The following SPHKAP variants were observed in gnomAD, a reference collection of about 807,000 sequenced individuals.
SPHKAP encodes SPHK1 interactor, AKAP domain containing.
Under a neutral mutation model 137.5 loss-of-function variants are expected in SPHKAP, and 67 were observed. That is an observed-to-expected ratio of 0.49 (90% CI 0.40 to 0.60). The LOEUF (loss-of-function observed/expected upper bound fraction) is 0.60. Ranked by LOEUF, SPHKAP falls within the 20% of genes least tolerant of loss-of-function variation. The pLI is 0.00. For synonymous variants in SPHKAP, 813 were observed against 785.3 expected (o/e 1.04, Z -0.59); for missense variants, 2,097 against 2,069.3 (o/e 1.01, Z -0.26).
At chr2:228,043,587 A>G (rs963801050) in intron 3 of SPHKAP, among the ~76,000 whole-genome samples, 4 of 152,200 alleles carry the variant, frequency 2.6e-5, no homozygotes, top group East Asian at 1.9e-4. Flanking sequence ...TTGGCCTCCC[A>G]AAGTGCTGGG....
intron 3 of SPHKAP, among the ~76,000 whole-genome samples, chr2:228,064,402 C>T (rs1003630435): frequency 6.6e-6 from 1 of 152,102 alleles, no homozygotes; most frequent in Non-Finnish European, 1.5e-5. Context: ...ATAATGTAGC[C>T]ATTTAATAAT....
At chr2:228,082,625 A>C (rs753141503) in intron 3 of SPHKAP, among the ~76,000 whole-genome samples, 1 of 152,184 alleles carries the variant, frequency 6.6e-6, no homozygotes, top group Non-Finnish European at 1.5e-5. Context: ...AGTCACCACG[A>C]AGTCACAGGG....
Position 228,071,294 on chromosome 2 carries a change from G to A in SPHKAP, c.246+37538C>T, listed in dbSNP as rs142332955. 5.1e-4 allele frequency among the ~76,000 whole-genome samples: 78 copies of A among 152,152 alleles called. No homozygotes were observed. In the East Asian group the frequency reaches 0.012, roughly 24 times the overall value. ...GTGACAAGTTTTCCCCCCAAATAGG[G>A]CACTTTCATCTATATTAAAAACCTG... On this transcript the variant is annotated intron_variant, in intron 3 of 11. Coordinates refer to ENST00000392056, the MANE Select transcript of SPHKAP (RefSeq NM_001142644.2).
chr2:228,139,862 G>T (rs1280171279), intron 1 of SPHKAP, among the ~76,000 whole-genome samples: 1 of 143,656 alleles, frequency 7.0e-6, no homozygotes, highest in Non-Finnish European at 1.5e-5. Flanking sequence ...ACCACTAGAT[G>T]GTTACTATAG....
intron 3 of SPHKAP, among the ~76,000 whole-genome samples, chr2:228,075,873 C>A (rs984584110): frequency 6.6e-6 from 1 of 152,128 alleles, no homozygotes; most frequent in African/African-American, 2.4e-5. Flanking sequence ...AATTTCAAAA[C>A]AAATCATACA....
At chr2:228,177,094 T>C (rs1700767296) in intron 1 of SPHKAP, among the ~76,000 whole-genome samples, 2 of 116,790 alleles carry the variant, frequency 1.7e-5, no homozygotes, top group Non-Finnish European at 3.7e-5. Context: ...AGGACCCATT[T>C]ACAAGATCAT....
At position 227,989,674 on chromosome 2, in the gene SPHKAP, C is replaced by T. The variant is rs150955881; in HGVS notation, c.4959+1326G>A. On this transcript the variant is annotated intron_variant, in intron 11 of 11. Coordinates refer to ENST00000392056, the MANE Select transcript of SPHKAP (RefSeq NM_001142644.2). ...AGGATGGAGTGCAGTGGTGGAATCT[C>T]GGCTCACTGCAACCTCCACTTCCTG... Among the ~76,000 whole-genome samples the T allele has an allele frequency of 8.4e-4, 128 of 152,196 alleles. 2 individuals carry two copies. The East Asian group carries it at 0.021, about 25-fold the overall frequency.
intron 1 of SPHKAP, among the ~76,000 whole-genome samples, chr2:228,140,367 T>C (rs1209764820): frequency 2.0e-5 from 3 of 152,132 alleles, no homozygotes; most frequent in Non-Finnish European, 4.4e-5. Context: ...ACATTCAGAA[T>C]GTATGTTACC....
intron 1 of SPHKAP, among the ~76,000 whole-genome samples, chr2:228,176,796 C>T (rs1339106208): frequency 6.6e-6 from 1 of 152,124 alleles, no homozygotes; most frequent in African/African-American, 2.4e-5. Flanking sequence ...GCTCAAATCC[C>T]GGAGGGAGGT....
chr2:228,176,079 G>A (rs1271100139), intron 1 of SPHKAP, among the ~76,000 whole-genome samples: 1 of 152,188 alleles, frequency 6.6e-6, no homozygotes, highest in East Asian at 1.9e-4. Flanking sequence ...TTTCCCAGAT[G>A]ATGAAAATAA....
At chr2:228,031,734 G>T (rs962571446) in intron 3 of SPHKAP, among the ~76,000 whole-genome samples, 1 of 151,742 alleles carries the variant, frequency 6.6e-6, no homozygotes, top group Non-Finnish European at 1.5e-5. Flanking sequence ...TACAGCCACC[G>T]CTGTTCTGTA....
intron 5 of SPHKAP, among the ~76,000 whole-genome samples, chr2:228,025,011 A>T (rs940198455): frequency 6.6e-5 from 10 of 152,178 alleles, no homozygotes; most frequent in African/African-American, 2.4e-4. Context: ...AATACATAAC[A>T]TCTGAAAGAT....
chr2:228,027,544 C>G lies in SPHKAP; in HGVS notation c.247-1G>C. 1 of 1,613,804 alleles carries G rather than the reference C, an allele frequency of 6.2e-7. No individual in the cohort carries two copies. The highest frequency in any genetic ancestry group is 8.5e-7 in the Non-Finnish European group (1 of 1,179,896). On this transcript the variant is annotated splice_acceptor_variant, in intron 3 of 11. Coordinates refer to ENST00000392056, the MANE Select transcript of SPHKAP (RefSeq NM_001142644.2). LOFTEE classifies it high-confidence loss of function. ...TCACATCAAGATTCACAAAGCAGACCTGGGAAAAGAGGGCAAAAATAGTAC... is the reference window on the plus strand; with the variant it reads ...TCACATCAAGATTCACAAAGCAGACGTGGGAAAAGAGGGCAAAAATAGTAC...
chr2:228,015,803 A>T (rs1333527959), intron 7 of SPHKAP, among the ~76,000 whole-genome samples: 1 of 152,186 alleles, frequency 6.6e-6, no homozygotes. Flanking sequence ...AAAAAACAAA[A>T]ACAGAAAGCA....
At chr2:228,026,864 G>A (rs140995980) in intron 4 of SPHKAP, among the ~76,000 whole-genome samples, 15 of 152,144 alleles carry the variant, frequency 9.9e-5, no homozygotes, top group Admixed American at 7.2e-4. Context: ...GTGGCAAATC[G>A]TGTGCTGTTA....
At chr2:228,179,980 G>A in intron 1 of SPHKAP, among the ~76,000 whole-genome samples, 1 of 152,312 alleles carries the variant, frequency 6.6e-6, no homozygotes, top group Admixed American at 6.5e-5. Context: ...ATGACCATTT[G>A]CCCTAGACAG....
intron 3 of SPHKAP, among the ~76,000 whole-genome samples, chr2:228,030,133 A>G (rs1469155998): frequency 6.6e-6 from 1 of 152,188 alleles, no homozygotes; most frequent in Non-Finnish European, 1.5e-5. Context: ...TATACTTCTC[A>G]TGCACATCTT....
intron 2 of SPHKAP, among the ~76,000 whole-genome samples, chr2:228,110,895 T>G (rs554745676): frequency 6.6e-6 from 1 of 152,280 alleles, no homozygotes; most frequent in South Asian, 2.1e-4. Flanking sequence ...TTTAAAATTA[T>G]TTTGTCAAAT....
intron 9 of SPHKAP, 91 bp downstream of exon 9, chr2:227,993,443 G>A (rs1252954960): frequency 8.5e-7 from 1 of 1,174,066 alleles, no homozygotes; most frequent in Non-Finnish European, 1.2e-6. Flanking sequence ...GATGAGGTCA[G>A]TGGTTGGGCA....
Sources: allele counts gnomAD v4.1 joint callset (sites outside exome capture counted in the v4.1 genomes callset), GRCh38; gene constraint gnomAD v4.1.1; transcripts MANE v1.5; gene names NCBI Gene and HGNC (gene_info 2026-07-23, HGNC 2026-07-21).